Variants in RIN2 observed in about 807,000 individuals in gnomAD.
RIN2 encodes the protein RAB5 interacting protein 2.
RIN2 carries 36 observed loss-of-function variants against 78.0 expected under a neutral mutation model. The ratio of observed to expected loss-of-function variants is 0.46; its 90% CI spans 0.35 to 0.61. The LOEUF (loss-of-function observed/expected upper bound fraction) is 0.61, where lower values mean the gene tolerates loss of function less well. Among genes scored for constraint, RIN2 ranks in the 20% least tolerant of loss-of-function variants. The pLI, the probability that RIN2 is intolerant of heterozygous loss-of-function variation, is 0.00. For synonymous variants in RIN2, 466 were observed against 466.8 expected, an observed-to-expected ratio of 1.00 and a Z score of 0.02; for missense variants, 1,087 against 1,159.7, an observed-to-expected ratio of 0.94 and a Z score of 0.91.
intron 3 of RIN2, among the ~76,000 whole-genome samples, chr20:19,894,538 C>A (rs2038630500): frequency 6.6e-6 from 1 of 152,178 alleles, no homozygotes; most frequent in African/African-American, 2.4e-5. Flanking sequence ...AGGCATGAGC[C>A]AGCACCCCTG....
intron 1 of RIN2, among the ~76,000 whole-genome samples, chr20:19,767,922 CAAA>C (rs61365306): frequency 8.0e-6 from 1 of 124,622 alleles, no homozygotes. Context: ...AAAACTGTCT[CAAA>C]AAAAAAAAAA....
intron 8 of RIN2, among the ~76,000 whole-genome samples, chr20:19,974,356 C>T (rs2042199108): frequency 6.6e-6 from 1 of 152,154 alleles, no homozygotes; most frequent in Non-Finnish European, 1.5e-5. Context: ...AATTCCAGTT[C>T]CTTTTTTTCT....
At chr20:19,775,773 G>T (rs2034286665) in intron 1 of RIN2, among the ~76,000 whole-genome samples, 2 of 152,176 alleles carry the variant, frequency 1.3e-5, no homozygotes, top group African/African-American at 4.8e-5. Flanking sequence ...AAGCTGTACT[G>T]CTTCTCCCAA....
chr20:19,870,434 G>C (rs62200202), intron 2 of RIN2, among the ~76,000 whole-genome samples: 34,365 of 151,972 alleles, frequency 0.23, 4,215 homozygotes, highest in East Asian at 0.31. Flanking sequence ...ATCATATAAG[G>C]CCAGGAGTTC....
intron 2 of RIN2, chr20:19,889,220 A>G (rs1390087310): frequency 2.0e-5 from 20 of 985,314 alleles, no homozygotes; most frequent in South Asian, 4.7e-5. Context: ...CATTCAATCT[A>G]TAAACTTCCA....
intron 12 of RIN2, among the ~76,000 whole-genome samples, chr20:19,999,340 C>T (rs2043070905): frequency 6.6e-6 from 1 of 152,166 alleles, no homozygotes; most frequent in South Asian, 2.1e-4. Flanking sequence ...CTCACCTCTC[C>T]TGCAAAGTCA....
intron 1 of RIN2, among the ~76,000 whole-genome samples, chr20:19,779,940 C>A (rs571128692): frequency 6.6e-6 from 1 of 152,142 alleles, no homozygotes; most frequent in African/African-American, 2.4e-5. Flanking sequence ...CCTAAAGAAG[C>A]GATATTATGG....
chr20:19,881,633 G>A (rs1246957063), intron 2 of RIN2, among the ~76,000 whole-genome samples: 2 of 152,176 alleles, frequency 1.3e-5, no homozygotes, highest in Admixed American at 6.5e-5. Context: ...CTGGAGTGCA[G>A]TGCTGCAATC....
At position 19,901,995 on chromosome 20, in the gene RIN2, G is replaced by A. The variant is rs140386963; in HGVS notation, c.57+12337G>A. ...GGCACCACTGCACTTCAGCCTGGGCGACAGAACGAGACTCTGTCTCAAAAA... is the reference window on the plus strand; with the variant it reads ...GGCACCACTGCACTTCAGCCTGGGCAACAGAACGAGACTCTGTCTCAAAAA... On this transcript the variant is annotated intron_variant, in intron 3 of 12. Transcript: ENST00000255006. 1.6e-3 allele frequency among the ~76,000 whole-genome samples: 201 copies of A among 125,478 alleles called. 2 individuals carry two copies. Among genetic ancestry groups the A allele is most frequent in the African/African-American group, 5.9e-3 (188 of 31,702 alleles). The allele number at this position is 125,478 out of a possible 152,430, so 82.3% of individuals were successfully genotyped here.
rs142569061 is a variant in RIN2, at chr20:19,923,029, G to A, written c.58-12070G>A. ...CTTTTAAGCTTGAGGAAATTTAAGG[G>A]GTCAGATTATTTACTCAAGGACACA... On this transcript the variant is annotated intron_variant, in intron 3 of 12. Transcript: ENST00000255006. 7.2e-3 allele frequency among the ~76,000 whole-genome samples: 1,097 copies of A among 152,178 alleles called. 5 individuals are homozygous for A. The highest frequency in any genetic ancestry group is 0.01 in the Non-Finnish European group (684 of 68,038).
intron 3 of RIN2, among the ~76,000 whole-genome samples, chr20:19,931,247 T>C (rs960519857): frequency 6.6e-6 from 1 of 152,212 alleles, no homozygotes; most frequent in African/African-American, 2.4e-5. Context: ...TCTATAAACA[T>C]ACAGTACAGT....
intron 11 of RIN2, among the ~76,000 whole-genome samples, chr20:19,995,200 C>T (rs1351824745): frequency 6.7e-6 from 1 of 148,304 alleles, no homozygotes; most frequent in Non-Finnish European, 1.5e-5. Flanking sequence ...GCACAAAACT[C>T]ATTTCGCCAA....
chr20:19,886,406 C>T (rs1026739567), intron 2 of RIN2: 7 of 352,058 alleles, frequency 2.0e-5, no homozygotes, highest in Non-Finnish European at 3.6e-5. Flanking sequence ...CACGGAAAGC[C>T]ACCACTGAGT....
At chr20:19,796,203 G>A (rs1010139324) in intron 1 of RIN2, among the ~76,000 whole-genome samples, 7 of 152,122 alleles carry the variant, frequency 4.6e-5, no homozygotes, top group African/African-American at 1.7e-4. Flanking sequence ...TAAAATGAAG[G>A]ATTTGGTCCA....
chr20:19,983,996 A>T (rs959086167), intron 9 of RIN2, among the ~76,000 whole-genome samples: 1 of 151,838 alleles, frequency 6.6e-6, no homozygotes, highest in East Asian at 1.9e-4. Flanking sequence ...CATCATTTAC[A>T]TTAGGTATTT....
intron 2 of RIN2, among the ~76,000 whole-genome samples, chr20:19,881,980 A>C (rs141575725): frequency 1.9e-3 from 295 of 152,358 alleles, no homozygotes; most frequent in African/African-American, 6.5e-3. Flanking sequence ...TATTGTAGCC[A>C]TTTCAGAATG....
At chr20:19,829,605 A>G (rs1442829210) in intron 2 of RIN2, among the ~76,000 whole-genome samples, 1 of 152,176 alleles carries the variant, frequency 6.6e-6, no homozygotes, top group Non-Finnish European at 1.5e-5. Context: ...GGGTTTTTAG[A>G]TGCATACTAG....
intron 2 of RIN2, among the ~76,000 whole-genome samples, chr20:19,803,397 T>C (rs548344048): frequency 1.3e-5 from 2 of 152,242 alleles, no homozygotes; most frequent in African/African-American, 4.8e-5. Flanking sequence ...AACAGACACA[T>C]AGACCAAAAG....
chr20:19,886,058 C>T (rs1043524291), intron 2 of RIN2, among the ~76,000 whole-genome samples: 10 of 152,194 alleles, frequency 6.6e-5, no homozygotes, highest in African/African-American at 2.4e-4. Flanking sequence ...GTCCTTAATC[C>T]TTCTCAAGCT....
Sources: gnomAD v4.1 joint callset for allele counts (sites outside exome capture counted in the v4.1 genomes callset) on GRCh38, gnomAD v4.1.1 for gene constraint, MANE v1.5 for transcripts, NCBI Gene and HGNC (gene_info 2026-07-23, HGNC 2026-07-21) for gene names.